ZNF676: variants seen among roughly 807,000 people sequenced by gnomAD.
ZNF676 encodes zinc finger protein 676.
ZNF676 carries 4 observed loss-of-function variants against 6.0 expected under a neutral mutation model. That is an observed-to-expected ratio of 0.67 (90% CI 0.33 to 1.53). The LOEUF (loss-of-function observed/expected upper bound fraction) is 1.53. Among genes scored for constraint, ZNF676 ranks in the 40% most tolerant of loss-of-function variants. The probability of loss-of-function intolerance (pLI) is 0.06; values close to 1 mark genes in which losing one functional copy is unlikely to be tolerated. For synonymous variants in ZNF676, 198 were observed against 223.1 expected, an observed-to-expected ratio of 0.89 and a Z score of 1.00; for missense variants, 644 against 679.7, an observed-to-expected ratio of 0.95 and a Z score of 0.58.
the ZNF676 span, among the ~76,000 whole-genome samples, chr19:22,222,051 T>C: frequency 5.3e-5 from 8 of 152,148 alleles, no homozygotes; most frequent in Admixed American, 5.2e-4. Context: ...ACAACTTAGG[T>C]GAAACAAGAA....
At chr19:22,215,801 C>G (rs1288923372), upstream of ZNF676, 6 of 693,468 alleles carry the variant, frequency 8.7e-6, no homozygotes, top group Non-Finnish European at 1.4e-5. Flanking sequence ...GACCTGTCCC[C>G]CCCCCCAGCT....
chr19:22,215,050 A>AAAC (rs775246556), intron 1 of ZNF676, among the ~76,000 whole-genome samples: 14,875 of 124,962 alleles, frequency 0.12, 1,230 homozygotes, highest in East Asian at 0.23. Flanking sequence ...CAAAAAAAAA[A>AAAC]AAAAAAAAAA....
upstream of ZNF676, among the ~76,000 whole-genome samples, chr19:22,217,202 T>A (rs917934572): frequency 2.6e-5 from 4 of 152,122 alleles, no homozygotes; most frequent in Admixed American, 6.5e-5. Context: ...TTCTTTTTTT[T>A]AATTATATTT....
At chr19:22,200,767 C>T (rs1447811984), upstream of ZNF676, among the ~76,000 whole-genome samples, 3 of 152,010 alleles carry the variant, frequency 2.0e-5, no homozygotes, top group East Asian at 3.9e-4. Context: ...CCAAGCTGGT[C>T]TCGAACTCCT....
chr19:22,214,756 G>A (rs2024165827), intron 1 of ZNF676, among the ~76,000 whole-genome samples: 1 of 150,608 alleles, frequency 6.6e-6, no homozygotes, highest in Non-Finnish European at 1.5e-5. Flanking sequence ...AAGAAACCAT[G>A]AGGCTGGGCG....
the ZNF676 span, among the ~76,000 whole-genome samples, chr19:22,246,308 T>C: frequency 0.92 from 140,333 of 151,856 alleles, 65,850 homozygotes; most frequent in East Asian, 1. Context: ...AGGAAAGTCA[T>C]GTAACCTAGG....
At chr19:22,231,051 T>C in the ZNF676 span, among the ~76,000 whole-genome samples, 1 of 152,280 alleles carries the variant, frequency 6.6e-6, no homozygotes, top group Admixed American at 6.5e-5. Context: ...GAAAACATTT[T>C]TAAGTATTTT....
the ZNF676 span, among the ~76,000 whole-genome samples, chr19:22,257,962 T>C: frequency 6.6e-6 from 1 of 152,150 alleles, no homozygotes; most frequent in African/African-American, 2.4e-5. Context: ...AGTCACATCA[T>C]GTAGGAGCTG....
intron 2 of ZNF676, among the ~76,000 whole-genome samples, chr19:22,190,918 T>C (rs777962394): frequency 6.6e-5 from 10 of 151,890 alleles, no homozygotes; most frequent in East Asian, 1.9e-4. Context: ...ATGAGATAGA[T>C]AGATATAAAG....
At chr19:22,193,182 G>T in intron 1 of ZNF676, 71 bp from the exon 2 acceptor site, 1 of 1,420,342 alleles carries the variant, frequency 7.0e-7, no homozygotes, top group Non-Finnish European at 9.4e-7. Flanking sequence ...AATGTGCTCA[G>T]TAAAGAGGAT....
chr19:22,254,628 G>A, the ZNF676 span, among the ~76,000 whole-genome samples: 1 of 152,116 alleles, frequency 6.6e-6, no homozygotes, highest in Non-Finnish European at 1.5e-5. Flanking sequence ...GAACAGATAT[G>A]TTATAATACC....
the ZNF676 span, among the ~76,000 whole-genome samples, chr19:22,258,591 T>C: frequency 6.6e-6 from 1 of 152,152 alleles, no homozygotes; most frequent in African/African-American, 2.4e-5. Context: ...GTCAGAATGC[T>C]CTCTGTAGGC....
At chr19:22,195,423 T>C (rs540813192) in intron 1 of ZNF676, among the ~76,000 whole-genome samples, 2 of 152,346 alleles carry the variant, frequency 1.3e-5, no homozygotes, top group African/African-American at 2.4e-5. Flanking sequence ...TTTGTGAAAC[T>C]TCTTCTAACT....
At chr19:22,233,238 G>T in the ZNF676 span, among the ~76,000 whole-genome samples, 1 of 152,108 alleles carries the variant, frequency 6.6e-6, no homozygotes, top group Non-Finnish European at 1.5e-5. Flanking sequence ...TGGTCTCCTA[G>T]GCTCAAGTGA....
chr19:22,252,542 A>G, the ZNF676 span, among the ~76,000 whole-genome samples: 37,211 of 151,952 alleles, frequency 0.24, 4,565 homozygotes, highest in South Asian at 0.37. Context: ...CATAACCTAG[A>G]TGCTGGGTAC....
rs2023726438 is a variant in ZNF676, at chr19:22,180,713, T to G, written c.1004A>C (p.Lys335Thr). ...CCCGCATTCTTCACATTTGTAGGGT[T>G]TCTCTCCAGCATGAATTCTCTTGTG... ...TEHKRIHAGE[K>T]PYKCEECGKA... The change falls in exon 3 of 3, where the codon AAA (lysine) becomes ACA (threonine). Residue 335 changes from lysine to threonine, a missense_variant. Coordinates refer to ENST00000397121, the MANE Select transcript of ZNF676 (RefSeq NM_001001411.3). The G allele has an allele frequency of 1.2e-6, 2 of 1,612,380 alleles. No individual in the cohort carries two copies. Among genetic ancestry groups the G allele is most frequent in the Non-Finnish European group, 8.5e-7 (1 of 1,179,308 alleles).
Position 22,181,231 on chromosome 19 carries a change from A to T in ZNF676, c.486T>A (p.Ile162=). Residue 162 remains isoleucine (I), a synonymous_variant, in exon 3 of 3, where the codon ATT becomes ATA. Transcript: ENST00000397121. Reference sequence around the variant, plus strand: ...ATTTGTAGGAATTCTCTCTAGTATAAATTCTTTCATGTTGAGATAGGTGTG... The same window carrying T: ...ATTTGTAGGAATTCTCTCTAGTATATATTCTTTCATGTTGAGATAGGTGTG... The part of the protein sequence containing the change: ...MLSHLSQHER[I]YTRENSYKCE... 1 of 1,613,840 alleles carries T rather than the reference A, an allele frequency of 6.2e-7. No individual in the cohort carries two copies. Among genetic ancestry groups the T allele is most frequent in the African/African-American group, 1.3e-5 (1 of 75,042 alleles).
upstream of ZNF676, among the ~76,000 whole-genome samples, chr19:22,217,875 T>C (rs2024210006): frequency 6.6e-6 from 1 of 152,000 alleles, no homozygotes; most frequent in African/African-American, 2.4e-5. Context: ...TGCTAATTTT[T>C]GTATTTTTAG....
chr19:22,253,366 GTGTGTGTATATATATATA>G, the ZNF676 span, among the ~76,000 whole-genome samples: 2 of 63,720 alleles, frequency 3.1e-5, no homozygotes, highest in African/African-American at 1.2e-4. Context: ...GTGTGTGTGT[GTGTGTGTATATATATATA>G]TATATATATA....
Sources: allele counts gnomAD v4.1 joint callset (sites outside exome capture counted in the v4.1 genomes callset), GRCh38; gene constraint gnomAD v4.1.1; transcripts MANE v1.5; gene names NCBI Gene and HGNC (gene_info 2026-07-23, HGNC 2026-07-21).